Variants in IQCM observed in about 807,000 individuals in gnomAD.
The protein encoded by IQCM is IQ motif containing M.
IQCM carries 45 observed loss-of-function variants against 57.6 expected under a neutral mutation model. The ratio of observed to expected loss-of-function variants is 0.78; its 90% CI spans 0.62 to 1.00. IQCM has a LOEUF of 1.00. Among genes scored for constraint, IQCM ranks in the 50% least tolerant of loss-of-function variants. The pLI is 0.00. For missense variants in IQCM, 468 were observed against 511.6 expected (o/e 0.91, Z 0.82); for synonymous variants, 148 against 158.9 (o/e 0.93, Z 0.51).
At chr4:149,440,463 T>C (rs1474219444) in intron 12 of IQCM, among the ~76,000 whole-genome samples, 2 of 152,124 alleles carry the variant, frequency 1.3e-5, no homozygotes, top group Non-Finnish European at 1.5e-5. Flanking sequence ...AATTACACAG[T>C]TAAATATTTT....
intron 12 of IQCM, among the ~76,000 whole-genome samples, chr4:149,467,545 ATACT>A (rs1213511652): frequency 6.6e-5 from 10 of 152,212 alleles, no homozygotes; most frequent in Admixed American, 6.5e-4. Flanking sequence ...GAAACATGAC[ATACT>A]TAATAAAAAG....
chr4:149,371,393 G>A (rs4629424), intron 13 of IQCM, among the ~76,000 whole-genome samples: 15,226 of 152,148 alleles, frequency 0.1, 1,279 homozygotes, highest in African/African-American at 0.23. Context: ...GGCTCTGAGT[G>A]TCCTCTGATC....
chr4:149,767,871 C>T (rs767144896), intron 2 of IQCM, among the ~76,000 whole-genome samples: 3 of 152,034 alleles, frequency 2.0e-5, no homozygotes, highest in African/African-American at 7.2e-5. Context: ...TGTAGAGGAA[C>T]TATAGACACA....
At chr4:149,453,189 A>T (rs1425031083) in intron 12 of IQCM, among the ~76,000 whole-genome samples, 1 of 151,754 alleles carries the variant, frequency 6.6e-6, no homozygotes, top group Non-Finnish European at 1.5e-5. Context: ...CATACACAAA[A>T]ATTAATTATT....
Position 149,563,742 on chromosome 4 carries a change from G to A in IQCM, c.898C>T (p.His300Tyr), listed in dbSNP as rs1750352460. 3.2e-6 allele frequency: 4 copies of A among 1,231,968 alleles called. No homozygotes were observed. Among genetic ancestry groups the A allele is most frequent in the Middle Eastern group, 3.1e-4 (1 of 3,208 alleles). The allele number at this position is 1,231,968 out of a possible 1,614,324, so 76.3% of individuals were successfully genotyped here. The stretch of plus-strand genomic sequence containing the variant: ...TTCCGTTCAAGCCATCCCCTGACAT[G>A]TGCCTGCATGACGGTGACCATTCTA... ...LIRMVTVMQA[H>Y]VRGWLERKRL... The change falls in exon 10 of 14, where the codon CAT becomes TAT. Residue 300 changes from histidine to tyrosine, a missense_variant. Coordinates refer to ENST00000636793, the MANE Select transcript of IQCM (RefSeq NM_001363507.2).
intron 7 of IQCM, among the ~76,000 whole-genome samples, chr4:149,675,361 G>A (rs986221586): frequency 6.6e-6 from 1 of 151,844 alleles, no homozygotes; most frequent in Non-Finnish European, 1.5e-5. Flanking sequence ...GGAGCAAGGA[G>A]GAAACCACCC....
chr4:149,405,231 G>C (rs1448448051), intron 13 of IQCM, among the ~76,000 whole-genome samples: 11 of 152,098 alleles, frequency 7.2e-5, no homozygotes, highest in Admixed American at 7.2e-4. Flanking sequence ...AGTGCTTGAA[G>C]GGTTTGTTGA....
At chr4:149,668,422 A>G (rs1760931061) in intron 7 of IQCM, among the ~76,000 whole-genome samples, 2 of 152,304 alleles carry the variant, frequency 1.3e-5, no homozygotes, top group East Asian at 3.9e-4. Flanking sequence ...GAGCTCCTGA[A>G]GGAAGCACTA....
intron 8 of IQCM, among the ~76,000 whole-genome samples, chr4:149,618,854 A>G (rs575101565): frequency 6.6e-6 from 1 of 152,244 alleles, no homozygotes; most frequent in South Asian, 2.1e-4. Context: ...GGATGCAGAG[A>G]AAAGGGAACA....
At chr4:149,388,340 G>A (rs1288798887) in intron 13 of IQCM, among the ~76,000 whole-genome samples, 1 of 151,048 alleles carries the variant, frequency 6.6e-6, no homozygotes, top group Non-Finnish European at 1.5e-5. Flanking sequence ...TATTCATCAT[G>A]GATATATGAA....
At chr4:149,522,915 C>A (rs1745799666) in intron 12 of IQCM, among the ~76,000 whole-genome samples, 1 of 152,098 alleles carries the variant, frequency 6.6e-6, no homozygotes, top group Admixed American at 6.6e-5. Context: ...AAAATTTGTA[C>A]ATGATTCCAG....
intron 12 of IQCM, among the ~76,000 whole-genome samples, chr4:149,451,060 T>C (rs959015560): frequency 2.0e-5 from 3 of 151,768 alleles, no homozygotes; most frequent in Admixed American, 6.6e-5. Flanking sequence ...CTGGAGGTCA[T>C]TATGCTAAGT....
At chr4:149,602,241 C>A (rs12646103) in intron 8 of IQCM, among the ~76,000 whole-genome samples, 1 of 151,672 alleles carries the variant, frequency 6.6e-6, no homozygotes, top group Admixed American at 6.6e-5. Flanking sequence ...AAATAGTATG[C>A]CACTTTACAT....
At chr4:149,357,495 G>A (rs1371062314) in intron 13 of IQCM, among the ~76,000 whole-genome samples, 1 of 152,146 alleles carries the variant, frequency 6.6e-6, no homozygotes, top group African/African-American at 2.4e-5. Context: ...TGCGTCTATT[G>A]AGATCATCAT....
intron 12 of IQCM, among the ~76,000 whole-genome samples, chr4:149,500,393 G>A (rs1019753235): frequency 1.3e-5 from 2 of 152,128 alleles, no homozygotes; most frequent in Non-Finnish European, 2.9e-5. Flanking sequence ...GTGAGATGTA[G>A]TGAATTGAAG....
intron 13 of IQCM, among the ~76,000 whole-genome samples, chr4:149,430,281 A>G (rs1734737347): frequency 6.6e-6 from 1 of 151,942 alleles, no homozygotes; most frequent in African/African-American, 2.4e-5. Context: ...CATCTTTTAA[A>G]AATACTACCA....
chr4:149,428,297 T>TA (rs536915923), intron 13 of IQCM, among the ~76,000 whole-genome samples: 4 of 151,506 alleles, frequency 2.6e-5, no homozygotes, highest in South Asian at 2.1e-4. Flanking sequence ...TAAAAGCCTT[T>TA]AAAAAAAATA....
intron 7 of IQCM, among the ~76,000 whole-genome samples, chr4:149,658,734 T>A (rs1351968805): frequency 6.6e-6 from 1 of 152,116 alleles, no homozygotes; most frequent in East Asian, 1.9e-4. Flanking sequence ...TTAATTTTTT[T>A]ATAGCTATCA....
At chr4:149,595,688 T>C (rs1231188853) in intron 8 of IQCM, among the ~76,000 whole-genome samples, 2 of 152,032 alleles carry the variant, frequency 1.3e-5, no homozygotes, top group African/African-American at 4.8e-5. Flanking sequence ...AATCAGGAGG[T>C]ACCAAACACA....
Sources: gnomAD v4.1 joint callset for allele counts (sites outside exome capture counted in the v4.1 genomes callset) on GRCh38, gnomAD v4.1.1 for gene constraint, MANE v1.5 for transcripts, NCBI Gene and HGNC (gene_info 2026-07-23, HGNC 2026-07-21) for gene names.